Variants in PRIM2 observed in about 807,000 individuals in gnomAD.
PRIM2 encodes the protein DNA primase large subunit.
PRIM2 carries 39 observed loss-of-function variants against 67.3 expected under a neutral mutation model. That is an observed-to-expected ratio of 0.58 (90% CI 0.45 to 0.76). PRIM2 has a LOEUF of 0.76. PRIM2 is among the 30% of genes least tolerant of loss of function. The pLI is 0.00. For missense variants in PRIM2, 398 were observed against 598.7 expected (o/e 0.66, Z 3.50); for synonymous variants, 143 against 198.7 (o/e 0.72, Z 2.36).
chr6:57,531,934 C>A (rs1315971466), intron 8 of PRIM2, among the ~76,000 whole-genome samples: 11 of 152,110 alleles, frequency 7.2e-5, no homozygotes, highest in African/African-American at 1.2e-4. Context: ...AAAATTCTTA[C>A]AATTCAGACC....
the PRIM2 span, among the ~76,000 whole-genome samples, chr6:57,275,100 C>G: frequency 6.6e-6 from 1 of 152,078 alleles, no homozygotes; most frequent in Admixed American, 6.6e-5. Flanking sequence ...TGATGTCTTT[C>G]AATATCATCT....
chr6:57,444,740 A>G (rs1208212701), intron 7 of PRIM2, among the ~76,000 whole-genome samples: 2 of 152,168 alleles, frequency 1.3e-5, no homozygotes, highest in Non-Finnish European at 2.9e-5. Flanking sequence ...TATATTTACG[A>G]AGGTTATAAG....
intron 7 of PRIM2, among the ~76,000 whole-genome samples, chr6:57,415,263 A>G (rs1488286000): frequency 2.0e-5 from 3 of 152,212 alleles, no homozygotes; most frequent in Non-Finnish European, 4.4e-5. Context: ...TTTACTTGTT[A>G]AAGTAAGAAA....
rs1442246734 is a variant in PRIM2 at position 57,382,014 on chromosome 6, T to C, written c.556-17T>C. 2.5e-6 allele frequency: 4 copies of C among 1,598,642 alleles called. No individual in the cohort carries two copies. The highest frequency in any genetic ancestry group is 1.1e-5 in the South Asian group (1 of 88,920). On this transcript the variant is annotated splice_polypyrimidine_tract_variant and intron_variant, in intron 6 of 13. Coordinates refer to ENST00000615550, the MANE Select transcript of PRIM2 (RefSeq NM_000947.5). ...GACAGGTGCTGACTTATTTTGCCTG[T>C]TTTACTCTTAATTCAGATCCCTTTT... is the stretch of plus-strand genomic sequence containing the variant.
the PRIM2 span, among the ~76,000 whole-genome samples, chr6:57,275,577 C>A: frequency 3.3e-5 from 5 of 152,250 alleles, no homozygotes; most frequent in East Asian, 9.6e-4. Context: ...CAGCCTTACA[C>A]TTGGACTGCC....
intron 7 of PRIM2, among the ~76,000 whole-genome samples, chr6:57,441,498 C>CTA (rs1772204357): frequency 1.3e-5 from 2 of 151,910 alleles, no homozygotes; most frequent in African/African-American, 4.8e-5. Context: ...TTTTTTTGAA[C>CTA]TAAGCAGTTA....
intron 7 of PRIM2, among the ~76,000 whole-genome samples, chr6:57,432,115 A>G (rs1242571722): frequency 6.6e-6 from 1 of 152,224 alleles, no homozygotes; most frequent in African/African-American, 2.4e-5. Context: ...AAATACTGGC[A>G]TTTGAGGTTT....
At chr6:57,522,152 A>C (rs1232804626) in intron 8 of PRIM2, among the ~76,000 whole-genome samples, 1 of 152,268 alleles carries the variant, frequency 6.6e-6, no homozygotes, top group Non-Finnish European at 1.5e-5. Context: ...ACTTAAATAT[A>C]AAAACTTGAT....
At chr6:57,243,338 C>T in the PRIM2 span, among the ~76,000 whole-genome samples, 1 of 151,956 alleles carries the variant, frequency 6.6e-6, no homozygotes, top group Non-Finnish European at 1.5e-5. Flanking sequence ...AGGCTGTGTA[C>T]ATATGAGAAA....
At chr6:57,510,046 C>T (rs1554347556) in intron 8 of PRIM2, among the ~76,000 whole-genome samples, 10 of 151,676 alleles carry the variant, frequency 6.6e-5, no homozygotes, top group Non-Finnish European at 1.2e-4. Flanking sequence ...AGTTCACCTC[C>T]GTAGTCTGAA....
rs1271303568 is a variant in PRIM2 at position 57,571,820 on chromosome 6, C to G, written c.1021-29273C>G. ...AACTGGGTTCATAGCCTCCAAAGAC[C>G]TAAATTCATAACCCCATTTCTAGTG... is the stretch of plus-strand genomic sequence containing the variant. On this transcript the variant is annotated intron_variant, in intron 10 of 13. Transcript: ENST00000615550. 6.1e-3 allele frequency among the ~76,000 whole-genome samples: 927 copies of G among 152,274 alleles called. 3 individuals carry two copies. The highest frequency in any genetic ancestry group is 0.027 in the Middle Eastern group (8 of 294).
At chr6:57,585,315 A>T (rs1776169432) in intron 10 of PRIM2, among the ~76,000 whole-genome samples, 1 of 152,222 alleles carries the variant, frequency 6.6e-6, no homozygotes, top group African/African-American at 2.4e-5. Flanking sequence ...CTATTTTTTA[A>T]AGAAAAGTGG....
intron 5 of PRIM2, among the ~76,000 whole-genome samples, chr6:57,366,622 A>G (rs1769369517): frequency 6.6e-6 from 1 of 152,148 alleles, no homozygotes; most frequent in Non-Finnish European, 1.5e-5. Context: ...GACAGTGGCA[A>G]GAAAGTGGAT....
chr6:57,414,527 T>C (rs577362639), intron 7 of PRIM2, among the ~76,000 whole-genome samples: 159 of 152,302 alleles, frequency 1.0e-3, no homozygotes, highest in African/African-American at 3.7e-3. Context: ...CTTGTTAATA[T>C]TGTTTTCACT....
At chr6:57,249,502 G>T in the PRIM2 span, among the ~76,000 whole-genome samples, 1 of 152,210 alleles carries the variant, frequency 6.6e-6, no homozygotes, top group Non-Finnish European at 1.5e-5. Context: ...AGCACTTTGG[G>T]AGGCTGAGGC....
At chr6:57,493,625 C>G (rs1773943986) in intron 7 of PRIM2, among the ~76,000 whole-genome samples, 1 of 152,118 alleles carries the variant, frequency 6.6e-6, no homozygotes, top group South Asian at 2.1e-4. Context: ...ACCATTCATT[C>G]AAAACATTTT....
intron 10 of PRIM2, among the ~76,000 whole-genome samples, chr6:57,583,625 G>A (rs1465114899): frequency 3.3e-5 from 5 of 151,552 alleles, no homozygotes; most frequent in Middle Eastern, 3.4e-3. Context: ...GAATAATGCC[G>A]CAATAAACAT....
At chr6:57,229,161 A>G in the PRIM2 span, among the ~76,000 whole-genome samples, 1 of 152,180 alleles carries the variant, frequency 6.6e-6, no homozygotes, top group African/African-American at 2.4e-5. Flanking sequence ...TCAGCCTTAT[A>G]TCTTCAAATA....
intron 5 of PRIM2, among the ~76,000 whole-genome samples, chr6:57,350,006 A>G (rs1259434299): frequency 6.6e-6 from 1 of 152,172 alleles, no homozygotes; most frequent in Non-Finnish European, 1.5e-5. Context: ...AATAATAATA[A>G]CTTCTTCTTG....
Sources: gnomAD v4.1 joint callset for allele counts (sites outside exome capture counted in the v4.1 genomes callset) on GRCh38, gnomAD v4.1.1 for gene constraint, MANE v1.5 for transcripts, NCBI Gene and HGNC (gene_info 2026-07-23, HGNC 2026-07-21) for gene names.